CCDC138: variants seen among roughly 807,000 people sequenced by gnomAD.
CCDC138 encodes coiled-coil domain-containing protein 138.
CCDC138 carries 66 observed loss-of-function variants against 82.3 expected under a neutral mutation model. The observed-to-expected ratio is 0.80, with a 90% CI of 0.66 to 0.98. The LOEUF is 0.98. Among genes scored for constraint, CCDC138 ranks in the 50% least tolerant of loss-of-function variants. CCDC138 has a pLI of 0.00. For synonymous variants in CCDC138, 297 were observed against 265.4 expected (o/e 1.12, Z -1.16); for missense variants, 816 against 758.9 (o/e 1.08, Z -0.88).
intron 7 of CCDC138, among the ~76,000 whole-genome samples, chr2:108,805,772 C>T (rs1682770403): frequency 3.3e-5 from 5 of 151,972 alleles, no homozygotes; most frequent in Admixed American, 3.3e-4. Context: ...ACCAGAGTTG[C>T]ATAACATAAA....
intron 13 of CCDC138, among the ~76,000 whole-genome samples, chr2:108,857,902 G>A (rs1029151969): frequency 6.6e-6 from 1 of 152,138 alleles, no homozygotes; most frequent in Non-Finnish European, 1.5e-5. Context: ...CATCTTTCTC[G>A]TTGTCAAAGG....
intron 10 of CCDC138, among the ~76,000 whole-genome samples, chr2:108,838,572 G>C (rs1183533282): frequency 6.6e-6 from 1 of 151,996 alleles, no homozygotes; most frequent in East Asian, 1.9e-4. Context: ...ATGTCTTTAT[G>C]GTCCTGAAAT....
chr2:108,791,815 T>G lies in CCDC138; in HGVS notation c.394+13T>G. On this transcript the variant is annotated intron_variant, in intron 4 of 14. Transcript: ENST00000295124. ...GAAATAGAAAAAGGTAAAATAAATA[T>G]TTTAGAACAATCAATTCAGTAGTAA... The G allele has an allele frequency of 6.4e-7, 1 of 1,567,828 alleles. No individual in the cohort carries two copies. Among genetic ancestry groups the G allele is most frequent in the South Asian group, 1.2e-5 (1 of 85,592 alleles).
chr2:108,851,108 C>T (rs1691406251), intron 12 of CCDC138, among the ~76,000 whole-genome samples: 1 of 152,134 alleles, frequency 6.6e-6, no homozygotes, highest in South Asian at 2.1e-4. Flanking sequence ...TAGAACTCAG[C>T]GAAACACTTA....
At chr2:108,873,337 A>G (rs1414296857) in intron 13 of CCDC138, 114 bp from the exon 14 acceptor site, 1 of 994,630 alleles carries the variant, frequency 1.0e-6, no homozygotes, top group Non-Finnish European at 1.4e-6. Context: ...TATGAAAAGA[A>G]TGAAAATCTA....
At chr2:108,800,608 C>CTTT (rs67529329) in intron 6 of CCDC138, among the ~76,000 whole-genome samples, 2 of 33,490 alleles carry the variant, frequency 6.0e-5, no homozygotes, top group Non-Finnish European at 9.6e-5. Context: ...CTCAGTTTAG[C>CTTT]TTTTTTTTTT....
intron 9 of CCDC138, among the ~76,000 whole-genome samples, chr2:108,813,135 G>C (rs1239741876): frequency 6.7e-6 from 1 of 148,538 alleles, no homozygotes; most frequent in Non-Finnish European, 1.5e-5. Context: ...TGTAGTCCCA[G>C]CTACTCGAGA....
chr2:108,828,556 C>T (rs1291818303), intron 10 of CCDC138, among the ~76,000 whole-genome samples: 1 of 152,134 alleles, frequency 6.6e-6, no homozygotes, highest in Non-Finnish European at 1.5e-5. Flanking sequence ...CACATATAGT[C>T]CAATGATTTT....
rs550553495 is a variant in CCDC138 at position 108,847,263 on chromosome 2, A to G, written c.1516+333A>G. On this transcript the variant is annotated intron_variant, in intron 12 of 14. Coordinates refer to ENST00000295124, the MANE Select transcript of CCDC138 (RefSeq NM_144978.3). ...AGCGAATGTGTTGGTAAACTAGTCC[A>G]TGGGCAAAATCTGGCCTACCACCTG... Among the ~76,000 whole-genome samples, 7 of 152,318 alleles carry G rather than the reference A, an allele frequency of 4.6e-5. No individual in the cohort carries two copies. In the East Asian group the frequency reaches 9.6e-4, roughly 21 times the overall value.
At chr2:108,798,287 A>G (rs1446096749) in intron 5 of CCDC138, 141 bp from the exon 6 acceptor site, 1 of 742,414 alleles carries the variant, frequency 1.3e-6, no homozygotes, top group Non-Finnish European at 2.2e-6. Flanking sequence ...ATACTAGTCT[A>G]GCTACTGTAA....
At chr2:108,805,631 G>T (rs762620271) in intron 7 of CCDC138, among the ~76,000 whole-genome samples, 2 of 152,084 alleles carry the variant, frequency 1.3e-5, no homozygotes, top group Non-Finnish European at 2.9e-5. Flanking sequence ...GGAGGCTGAG[G>T]CAGGAGAATG....
At chr2:108,819,894 C>T (rs1418750676) in intron 10 of CCDC138, among the ~76,000 whole-genome samples, 2 of 152,134 alleles carry the variant, frequency 1.3e-5, no homozygotes, top group Non-Finnish European at 2.9e-5. Flanking sequence ...GATTTAAAAA[C>T]TGTAACCGAT....
rs998015108 is a variant in CCDC138 at position 108,812,915 on chromosome 2, A to G, written c.1029A>G (p.Ser343=). 1.1e-5 allele frequency: 17 copies of G among 1,613,436 alleles called. No homozygotes were observed. Among genetic ancestry groups the G allele is most frequent in the Non-Finnish European group, 1.4e-5 (16 of 1,179,732 alleles). The change falls in exon 9 of 15, where the codon TCA becomes TCG. Residue 343 remains serine (S), a synonymous_variant. Transcript: ENST00000295124. The part of the protein sequence containing the change: ...KSLKQEKAPV[S]KTYKVPLNGQ... Reference sequence around the variant, plus strand: ...TAAAACAAGAAAAAGCACCAGTTTCAAAAACTTACAAGGTAAGTTTGAATT... The same window carrying G: ...TAAAACAAGAAAAAGCACCAGTTTCGAAAACTTACAAGGTAAGTTTGAATT...
In CCDC138 at chr2:108,856,876, G is replaced by A; in HGVS notation, c.1599G>A (p.Gln533=). The part of the protein sequence containing the change: ...EEGKTLFLEY[Q]AVPVILSHLR... ...GAAAAACCTTGTTTTTGGAGTATCA[G>A]GCTGTTCCAGTAATATTAAGTCATC... Residue 533 remains glutamine (Q), a synonymous_variant, in exon 13 of 15, where the codon CAG becomes CAA. Coordinates refer to ENST00000295124, the MANE Select transcript of CCDC138 (RefSeq NM_144978.3). 1 of 1,613,140 alleles carries A rather than the reference G, an allele frequency of 6.2e-7. No individual in the cohort carries two copies. The highest frequency in any genetic ancestry group is 1.3e-5 in the African/African-American group (1 of 74,920).
At chr2:108,864,231 A>C (rs1196042197) in intron 13 of CCDC138, among the ~76,000 whole-genome samples, 1 of 152,252 alleles carries the variant, frequency 6.6e-6, no homozygotes, top group Non-Finnish European at 1.5e-5. Flanking sequence ...GTGGTAGAAG[A>C]AGCTAAGAAA....
intron 10 of CCDC138, among the ~76,000 whole-genome samples, chr2:108,829,701 G>C (rs766380968): frequency 2.6e-5 from 4 of 152,158 alleles, no homozygotes; most frequent in Non-Finnish European, 4.4e-5. Flanking sequence ...AGCCAAGATC[G>C]TGCCACCACA....
At chr2:108,885,160 AC>A (rs1387073852) in exon 3 of CCDC138, 22 of 151,956 alleles carry the variant, frequency 1.4e-4, no homozygotes, top group African/African-American at 5.1e-4. Context: ...ACCCACCTTT[AC>A]CCGCCCCCAA....
chr2:108,869,261 C>T (rs1407239448), intron 13 of CCDC138, among the ~76,000 whole-genome samples: 3 of 152,146 alleles, frequency 2.0e-5, no homozygotes, highest in Non-Finnish European at 4.4e-5. Context: ...AAGCCACATG[C>T]AAAATGATAG....
At chr2:108,811,247 C>CTTTTTTT (rs55661786) in intron 7 of CCDC138, among the ~76,000 whole-genome samples, 6 of 113,896 alleles carry the variant, frequency 5.3e-5, no homozygotes, top group African/African-American at 1.9e-4. Context: ...TTCTCTCTCT[C>CTTTTTTT]TTTTTTTTTT....
Sources: allele counts gnomAD v4.1 joint callset (sites outside exome capture counted in the v4.1 genomes callset), GRCh38; gene constraint gnomAD v4.1.1; transcripts MANE v1.5; gene names NCBI Gene and HGNC (gene_info 2026-07-23, HGNC 2026-07-21).